Variants in RAB23 observed in about 807,000 individuals in gnomAD.
RAB23 encodes the protein ras-related protein Rab-23.
Under a neutral mutation model 30.0 loss-of-function variants are expected in RAB23, and 15 were observed. That is an observed-to-expected ratio of 0.50 (90% CI 0.33 to 0.77). RAB23 has a LOEUF of 0.77. Ranked by LOEUF, RAB23 falls within the 30% of genes least tolerant of loss-of-function variation. RAB23 has a pLI of 0.02. For missense variants in RAB23, 243 were observed against 275.4 expected, an observed-to-expected ratio of 0.88 and a Z score of 0.83; for synonymous variants, 93 against 94.0, an observed-to-expected ratio of 0.99 and a Z score of 0.06.
At chr6:57,213,227 G>C (rs1765717643) in intron 1 of RAB23, among the ~76,000 whole-genome samples, 1 of 152,180 alleles carries the variant, frequency 6.6e-6, no homozygotes, top group Admixed American at 6.5e-5. Context: ...AGCTCAGGCG[G>C]TAATGCTCGC....
At chr6:57,201,326 G>A (rs1418327814) in intron 3 of RAB23, among the ~76,000 whole-genome samples, 2 of 151,988 alleles carry the variant, frequency 1.3e-5, no homozygotes, top group Admixed American at 6.6e-5. Flanking sequence ...CAGGTGATCC[G>A]CCCATCTTGG....
chr6:57,205,690 G>A (rs1338718767), intron 3 of RAB23, among the ~76,000 whole-genome samples: 1 of 152,066 alleles, frequency 6.6e-6, no homozygotes, highest in East Asian at 1.9e-4. Context: ...CAGGCATAGT[G>A]TAAAAAGAAA....
rs1765607246 is a variant in RAB23 at position 57,210,336 on chromosome 6, T to C, written c.45A>G (p.Val15=). Residue 15 remains valine, a synonymous_variant, in exon 2 of 7, where the codon GTA becomes GTG. Transcript: ENST00000468148. ...TTGATTTTCCAACTGCTCCATTCCCTACAACCACCATCTTTATGGCGACTT... is the reference window on the plus strand; with the variant it reads ...TTGATTTTCCAACTGCTCCATTCCCCACAACCACCATCTTTATGGCGACTT... ...DMEVAIKMVV[V]GNGAVGKSSM... 6.2e-7 allele frequency: 1 copy of C among 1,614,110 alleles called. No homozygotes were observed. Among genetic ancestry groups the C allele is most frequent in the East Asian group, 2.2e-5 (1 of 44,880 alleles).
intron 6 of RAB23, among the ~76,000 whole-genome samples, chr6:57,191,430 A>C (rs556998809): frequency 6.6e-6 from 1 of 152,300 alleles, no homozygotes; most frequent in East Asian, 1.9e-4. Context: ...TGACGTTTGG[A>C]ATCAGCAAAT....
At chr6:57,208,497 A>C (rs1765527199) in intron 2 of RAB23, among the ~76,000 whole-genome samples, 1 of 151,972 alleles carries the variant, frequency 6.6e-6, no homozygotes, top group Non-Finnish European at 1.5e-5. Flanking sequence ...AAATAGAAAA[A>C]TTAGCTGTGT....
At chr6:57,195,704 A>G (rs755433826) in intron 4 of RAB23, among the ~76,000 whole-genome samples, 6 of 152,240 alleles carry the variant, frequency 3.9e-5, no homozygotes, top group Non-Finnish European at 7.3e-5. Flanking sequence ...ATAAGCCATC[A>G]TAGAAATGGA....
rs1450504070 is a variant in RAB23, at chr6:57,207,660, T to C, written c.209A>G (p.Glu70Gly). 1 of 1,605,112 alleles carries C rather than the reference T, an allele frequency of 6.2e-7. No homozygotes were observed. Among genetic ancestry groups the C allele is most frequent in the East Asian group, 2.2e-5 (1 of 44,798 alleles). Residue 70 changes from glutamate (E) to glycine (G), a missense_variant, in exon 3 of 7, where the codon GAA becomes GGA. Glu to Gly is a moderately conservative substitution (Grantham distance 98). Transcript: ENST00000468148. ...GTAGGCCTTTGTAATTGCATCAAATTCCTCCTGACCTGCAGTGTCCCATAA... is the reference window on the plus strand; with the variant it reads ...GTAGGCCTTTGTAATTGCATCAAATCCCTCCTGACCTGCAGTGTCCCATAA... Reference protein sequence around the residue: ...LMLWDTAGQEEFDAITKAYYR... With the variant: ...LMLWDTAGQEGFDAITKAYYR...
At chr6:57,193,520 TAAGA>T (rs1269949227) in intron 6 of RAB23, among the ~76,000 whole-genome samples, 3 of 152,076 alleles carry the variant, frequency 2.0e-5, no homozygotes. Flanking sequence ...AGCAAGATAG[TAAGA>T]AAGGGAAAAG....
rs199533848 is a variant in RAB23, at chr6:57,193,799, A to C, written c.574+43T>G. On this transcript the variant is annotated intron_variant, in intron 6 of 6. Coordinates refer to ENST00000468148, the MANE Select transcript of RAB23 (RefSeq NM_016277.5). ...ATGAGCATATTATATGTGTTTTTTA[A>C]CTTTACCAAGTAAACATGGGCTAAA... The C allele has an allele frequency of 2.9e-5, 46 of 1,603,206 alleles. 1 individual carries two copies. The East Asian group carries it at 1.0e-3, about 36-fold the overall frequency.
chr6:57,191,559 C>T (rs1055624462), intron 6 of RAB23, among the ~76,000 whole-genome samples: 1 of 151,516 alleles, frequency 6.6e-6, no homozygotes, highest in Non-Finnish European at 1.5e-5. Flanking sequence ...AATTGATTCT[C>T]CTGCCTCAGC....
chr6:57,196,649 C>T (rs778028893), intron 3 of RAB23, 43 bp from the exon 4 acceptor site: 3 of 1,592,562 alleles, frequency 1.9e-6, no homozygotes, highest in Admixed American at 1.8e-5. Context: ...AAGGTATTTA[C>T]ATTAACATAT....
At chr6:57,203,898 T>G (rs1481838239) in intron 3 of RAB23, among the ~76,000 whole-genome samples, 3 of 150,794 alleles carry the variant, frequency 2.0e-5, no homozygotes, top group Non-Finnish European at 4.4e-5. Flanking sequence ...GTAAATAGAG[T>G]GGTAAGTAGT....
intron 1 of RAB23, among the ~76,000 whole-genome samples, chr6:57,219,675 G>A: frequency 6.6e-6 from 1 of 152,160 alleles, no homozygotes. Context: ...AAAGACAATT[G>A]ATTTTTAACA....
In RAB23 at chr6:57,198,431, A is replaced by G. The variant is rs568457547; in HGVS notation, c.242-1825T>C. ...TGGGAGGCTGAGGCAGGAGAATGGC[A>G]TGAACCCGGGAGGTGGAGCTTGCAG... On this transcript the variant is annotated intron_variant, in intron 3 of 6. Transcript: ENST00000468148. Among the ~76,000 whole-genome samples the G allele has an allele frequency of 1.9e-3, 292 of 152,134 alleles. 1 individual carries two copies. Among genetic ancestry groups the G allele is most frequent in the East Asian group, 6.8e-3 (35 of 5,164 alleles).
At chr6:57,217,517 C>T (rs972679177) in intron 1 of RAB23, among the ~76,000 whole-genome samples, 2 of 152,096 alleles carry the variant, frequency 1.3e-5, no homozygotes, top group Non-Finnish European at 2.9e-5. Flanking sequence ...CCATGTTGGC[C>T]AGGCAGTTCT....
At chr6:57,217,512 T>C (rs966310621) in intron 1 of RAB23, among the ~76,000 whole-genome samples, 1 of 152,170 alleles carries the variant, frequency 6.6e-6, no homozygotes, top group Admixed American at 6.5e-5. Flanking sequence ...CTTCACCATG[T>C]TGGCCAGGCA....
At chr6:57,205,134 CATAT>C (rs758471728) in intron 3 of RAB23, among the ~76,000 whole-genome samples, 5 of 150,484 alleles carry the variant, frequency 3.3e-5, no homozygotes, top group African/African-American at 7.3e-5. Context: ...CACATCTATA[CATAT>C]ATACTTTATA....
At chr6:57,211,230 C>T (rs1016408133) in intron 1 of RAB23, among the ~76,000 whole-genome samples, 11 of 152,070 alleles carry the variant, frequency 7.2e-5, no homozygotes, top group African/African-American at 2.7e-4. Flanking sequence ...GCAAGAGGAT[C>T]GCTTGAAGCC....
chr6:57,200,261 G>A (rs1026992193), intron 3 of RAB23, among the ~76,000 whole-genome samples: 1 of 151,278 alleles, frequency 6.6e-6, no homozygotes, highest in Non-Finnish European at 1.5e-5. Flanking sequence ...TGTCTTGGCC[G>A]GGTGCGGTGG....
Sources: gnomAD v4.1 joint callset for allele counts (sites outside exome capture counted in the v4.1 genomes callset) on GRCh38, gnomAD v4.1.1 for gene constraint, MANE v1.5 for transcripts, NCBI Gene and HGNC (gene_info 2026-07-23, HGNC 2026-07-21) for gene names.